The following RTP2 variants were observed in gnomAD, a reference collection of about 807,000 sequenced individuals.
RTP2 encodes receptor transporter protein 2.
In RTP2, 12 loss-of-function variants were observed where a neutral mutation model predicts 17.9. The ratio of observed to expected loss-of-function variants is 0.67; its 90% CI spans 0.43 to 1.09. The LOEUF is 1.09. Among genes scored for constraint, RTP2 ranks in the 50% least tolerant of loss-of-function variants. RTP2 has a pLI of 0.00. For synonymous variants in RTP2, 126 were observed against 117.7 expected (o/e 1.07, Z -0.46); for missense variants, 327 against 295.7 (o/e 1.11, Z -0.78).
the RTP2 span, among the ~76,000 whole-genome samples, chr3:187,708,777 C>T: frequency 6.6e-6 from 1 of 152,154 alleles, no homozygotes; most frequent in Non-Finnish European, 1.5e-5. Flanking sequence ...CACAAGAACC[C>T]TATGAGGTGG....
chr3:187,702,566 G>C (rs748635915), upstream of RTP2: 1 of 457,258 alleles, frequency 2.2e-6, no homozygotes, highest in Non-Finnish European at 4.4e-6. Flanking sequence ...AGGAAGTCAA[G>C]GAGAAATGAG....
At chr3:187,703,437 G>C (rs1426934806), upstream of RTP2, among the ~76,000 whole-genome samples, 2 of 152,226 alleles carry the variant, frequency 1.3e-5, no homozygotes, top group Non-Finnish European at 2.9e-5. Context: ...TTGTGCTAAA[G>C]ACCTCAGAAA....
At chr3:187,702,484 T>A in exon 1 of RTP2, 1 of 473,124 alleles carries the variant, frequency 2.1e-6, no homozygotes, top group Non-Finnish European at 4.2e-6. Flanking sequence ...AAGGACTATT[T>A]GGTGGCCCTG....
intron 1 of RTP2, 137 bp from the exon 2 acceptor site, chr3:187,699,148 T>A: frequency 1.8e-6 from 2 of 1,097,214 alleles, no homozygotes; most frequent in African/African-American, 1.6e-5. Context: ...GTGGATTCAT[T>A]AGCACTCCAA....
At chr3:187,712,835 A>G in the RTP2 span, among the ~76,000 whole-genome samples, 3 of 152,142 alleles carry the variant, frequency 2.0e-5, no homozygotes, top group Non-Finnish European at 4.4e-5. Context: ...AGTCCTTGTC[A>G]CTGTTTCCAA....
At chr3:187,713,093 G>T in the RTP2 span, among the ~76,000 whole-genome samples, 1 of 152,084 alleles carries the variant, frequency 6.6e-6, no homozygotes, top group Non-Finnish European at 1.5e-5. Flanking sequence ...TGCTTAAGGG[G>T]CACCTCCTCA....
chr3:187,709,685 A>AAAAT, the RTP2 span, among the ~76,000 whole-genome samples: 1 of 152,194 alleles, frequency 6.6e-6, no homozygotes, highest in Admixed American at 6.5e-5. Context: ...ATTCTGTTTC[A>AAAAT]AAATAAATAA....
At chr3:187,701,876 C>CCCCT (rs1200274111) in intron 1 of RTP2, 89 bp downstream of exon 1, 40 of 686,648 alleles carry the variant, frequency 5.8e-5, no homozygotes, top group Middle Eastern at 7.2e-4. Context: ...AGAATAAGCC[C>CCCCT]GCGACTGGGC....
chr3:187,698,603 TCCCGCCTGGGCC>T lies in RTP2; in HGVS notation c.561_572del (p.Ala188_Gly191del), dbSNP rs777228895. ...GAAGAGACAAGAAGTTGTAGCCGGA[TCCCGCCTGGGCC>T]CTCGGCTTGGAGGCTTCAGAGGTGT... On this transcript the variant is annotated inframe_deletion, in exon 2 of 2. Coordinates refer to ENST00000358241, the Ensembl canonical transcript of RTP2. 81 of 1,614,050 alleles carry T rather than the reference TCCCGCCTGGGCC, an allele frequency of 5.0e-5. 1 individual carries two copies. Among genetic ancestry groups the T allele is most frequent in the Non-Finnish European group, 6.9e-5 (81 of 1,180,028 alleles).
At chr3:187,715,477 C>T in the RTP2 span, 3 of 321,546 alleles carry the variant, frequency 9.3e-6, no homozygotes, top group South Asian at 7.3e-5. Flanking sequence ...CATTTAGTGG[C>T]AGCACTGAGG....
At chr3:187,705,172 A>G (rs1717960538), upstream of RTP2, among the ~76,000 whole-genome samples, 2 of 145,738 alleles carry the variant, frequency 1.4e-5, no homozygotes, top group Non-Finnish European at 3.0e-5. Context: ...TGCAAGGGAG[A>G]AAAAAAAAAG....
chr3:187,711,456 A>T, the RTP2 span, among the ~76,000 whole-genome samples: 1 of 152,174 alleles, frequency 6.6e-6, no homozygotes, highest in Non-Finnish European at 1.5e-5. Context: ...GGAATTTTTT[A>T]AAAATATATA....
At chr3:187,708,192 C>A in the RTP2 span, among the ~76,000 whole-genome samples, 1 of 152,132 alleles carries the variant, frequency 6.6e-6, no homozygotes, top group African/African-American at 2.4e-5. Context: ...CAAATGAACA[C>A]AGACACCCAC....
the RTP2 span, among the ~76,000 whole-genome samples, chr3:187,710,142 C>T: frequency 7.6e-4 from 116 of 152,222 alleles, no homozygotes; most frequent in Middle Eastern, 3.4e-3. Context: ...GTTGAATTCA[C>T]TCTCTGCCTG....
At chr3:187,698,779 C>A (rs759984074) in exon 2 of RTP2, 2 of 1,613,956 alleles carry the variant, frequency 1.2e-6, no homozygotes, top group Non-Finnish European at 1.7e-6. Context: ...TGGCCACCAT[C>A]CTCCTCGTAG....
At chr3:187,704,720 C>G (rs144065319), upstream of RTP2, among the ~76,000 whole-genome samples, 157 of 152,294 alleles carry the variant, frequency 1.0e-3, 2 homozygotes, top group East Asian at 0.02. Flanking sequence ...CCAAGATCCC[C>G]TGGGGAGTAT....
the RTP2 span, among the ~76,000 whole-genome samples, chr3:187,710,823 G>A: frequency 1.3e-5 from 2 of 152,122 alleles, no homozygotes; most frequent in African/African-American, 2.4e-5. Flanking sequence ...CTCTGGCGAT[G>A]TCAAGGGTCC....
exon 1 of RTP2, chr3:187,702,117 G>T (rs773747523): frequency 6.2e-7 from 1 of 1,609,112 alleles, no homozygotes; most frequent in Non-Finnish European, 8.5e-7. Context: ...AAGTGGTCAA[G>T]CTGGTACACA....
At chr3:187,703,227 C>T (rs1421919292), upstream of RTP2, among the ~76,000 whole-genome samples, 5 of 152,218 alleles carry the variant, frequency 3.3e-5, no homozygotes, top group East Asian at 9.6e-4. Flanking sequence ...CAACTGTAAT[C>T]ATCTTACGAT....
Sources: allele counts gnomAD v4.1 joint callset (sites outside exome capture counted in the v4.1 genomes callset), GRCh38; gene constraint gnomAD v4.1.1; transcripts MANE v1.5; gene names NCBI Gene and HGNC (gene_info 2026-07-23, HGNC 2026-07-21).